The following CAMK4 variants were observed in gnomAD, a reference collection of about 807,000 sequenced individuals.
CAMK4 encodes the protein calcium/calmodulin dependent protein kinase IV.
Under a neutral mutation model 44.9 loss-of-function variants are expected in CAMK4, and 22 were observed. That is an observed-to-expected ratio of 0.49 (90% CI 0.35 to 0.70). CAMK4 has a LOEUF of 0.70. Ranked by LOEUF, CAMK4 falls within the 30% of genes least tolerant of loss-of-function variation. The pLI, the probability that CAMK4 is intolerant of heterozygous loss-of-function variation, is 0.01. For missense variants in CAMK4, 498 were observed against 586.8 expected, an observed-to-expected ratio of 0.85 and a Z score of 1.56; for synonymous variants, 218 against 215.4, an observed-to-expected ratio of 1.01 and a Z score of -0.11.
intron 1 of CAMK4, among the ~76,000 whole-genome samples, chr5:111,260,007 C>T (rs1333789689): frequency 6.6e-6 from 1 of 152,188 alleles, no homozygotes. Flanking sequence ...ATTAAATACA[C>T]TTGTACAATA....
Position 111,430,562 on chromosome 5 carries a change from G to T in CAMK4, c.460-16124G>T, listed in dbSNP as rs140843180. Reference sequence around the variant, plus strand: ...ATCTTATATTTGGAGAAAACCTTAAGACTCCACAAGAAAACCATTCGAACT... The same window carrying T: ...ATCTTATATTTGGAGAAAACCTTAATACTCCACAAGAAAACCATTCGAACT... On this transcript the variant is annotated intron_variant, in intron 5 of 10. Transcript: ENST00000282356. Among the ~76,000 whole-genome samples the T allele has an allele frequency of 1.7e-3, 259 of 152,258 alleles. 2 individuals are homozygous for T. The highest frequency in any genetic ancestry group is 2.6e-3 in the Non-Finnish European group (176 of 68,018).
chr5:111,245,020 T>TATGATGAATATATTGATGGA (rs1215137660), intron 1 of CAMK4, among the ~76,000 whole-genome samples: 5 of 152,144 alleles, frequency 3.3e-5, no homozygotes, highest in African/African-American at 1.2e-4. Context: ...CAGAAATGAA[T>TATGATGAATATATTGATGGA]ATGATGAATA....
chr5:111,480,249 A>AACACACACACACACACACACACAC lies in CAMK4; in HGVS notation c.828+1759_828+1782dup, dbSNP rs532395570. ...CTTCTCCATTACACATAGGCATGTA[A>AACACACACACACACACACACACAC]ACACACACACACACACACACACACA... On this transcript the variant is annotated intron_variant, in intron 9 of 10. Coordinates refer to ENST00000282356, the MANE Select transcript of CAMK4 (RefSeq NM_001744.6). Among the ~76,000 whole-genome samples, 382 of 121,260 alleles carry AACACACACACACACACACACACAC rather than the reference A, an allele frequency of 3.2e-3. 5 individuals carry two copies. Among genetic ancestry groups the AACACACACACACACACACACACAC allele is most frequent in the African/African-American group, 5.3e-3 (159 of 30,260 alleles). 79.6% of individuals were successfully genotyped at this position (121,260 alleles called of 152,430 possible).
chr5:111,473,438 T>A (rs1479678378), intron 8 of CAMK4, 52 bp downstream of exon 8: 2 of 1,149,762 alleles, frequency 1.7e-6, no homozygotes, highest in South Asian at 1.3e-5. Flanking sequence ...GCTGTGACAT[T>A]TTCTAGATAC....
intron 7 of CAMK4, among the ~76,000 whole-genome samples, chr5:111,466,787 C>A (rs1304009089): frequency 1.3e-5 from 2 of 151,978 alleles, no homozygotes; most frequent in Non-Finnish European, 2.9e-5. Flanking sequence ...TCTACAAATT[C>A]AATACAATTC....
At chr5:111,350,502 A>G (rs952489063) in intron 2 of CAMK4, among the ~76,000 whole-genome samples, 1 of 151,976 alleles carries the variant, frequency 6.6e-6, no homozygotes, top group Non-Finnish European at 1.5e-5. Flanking sequence ...AGGATTTCCC[A>G]TCCTGTGACC....
chr5:111,244,596 C>T (rs1384577410), intron 1 of CAMK4, among the ~76,000 whole-genome samples: 1 of 152,226 alleles, frequency 6.6e-6, no homozygotes, highest in Non-Finnish European at 1.5e-5. Context: ...GGCGCAGTGG[C>T]ACACGCCTGT....
At chr5:111,334,915 A>G (rs1749332772) in intron 1 of CAMK4, among the ~76,000 whole-genome samples, 1 of 151,484 alleles carries the variant, frequency 6.6e-6, no homozygotes, top group Non-Finnish European at 1.5e-5. Flanking sequence ...AGATAACAAG[A>G]TTTTTTGATT....
chr5:111,384,468 T>C (rs1751527250), intron 4 of CAMK4, among the ~76,000 whole-genome samples: 1 of 152,172 alleles, frequency 6.6e-6, no homozygotes. Flanking sequence ...TGAGCCACAC[T>C]GGTGGCTACA....
At chr5:111,429,777 CA>C (rs70973607) in intron 5 of CAMK4, among the ~76,000 whole-genome samples, 54 of 26,340 alleles carry the variant, frequency 2.1e-3, no homozygotes, top group African/African-American at 2.0e-3. Context: ...GACCTCATCT[CA>C]AAAAAAAAAA....
chr5:111,289,256 G>C (rs1327765031), intron 1 of CAMK4, among the ~76,000 whole-genome samples: 2 of 152,224 alleles, frequency 1.3e-5, no homozygotes, highest in Non-Finnish European at 2.9e-5. Context: ...TGAGACAACA[G>C]AATTGCTTGA....
At chr5:111,255,153 T>C (rs1232393160) in intron 1 of CAMK4, among the ~76,000 whole-genome samples, 2 of 152,312 alleles carry the variant, frequency 1.3e-5, no homozygotes, top group East Asian at 1.9e-4. Flanking sequence ...TGATGGACAT[T>C]GTTTGAAGGT....
chr5:111,465,374 G>A (rs1754789350), intron 7 of CAMK4, among the ~76,000 whole-genome samples: 1 of 151,412 alleles, frequency 6.6e-6, no homozygotes, highest in Admixed American at 6.6e-5. Flanking sequence ...TAAATGAAAT[G>A]GAAACAAACC....
chr5:111,368,415 A>C (rs1156321584), intron 2 of CAMK4, among the ~76,000 whole-genome samples: 3 of 152,152 alleles, frequency 2.0e-5, no homozygotes, highest in African/African-American at 7.2e-5. Flanking sequence ...TGCGAGGAAA[A>C]CACCAACTTC....
intron 2 of CAMK4, among the ~76,000 whole-genome samples, chr5:111,359,001 A>G (rs1481458424): frequency 2.0e-5 from 3 of 152,104 alleles, no homozygotes; most frequent in Non-Finnish European, 4.4e-5. Flanking sequence ...GGTTAATTCT[A>G]TGTATTAGCT....
chr5:111,396,628 A>ATTTTTTTTTTTT (rs1210775733), intron 5 of CAMK4, among the ~76,000 whole-genome samples: 4 of 41,298 alleles, frequency 9.7e-5, no homozygotes, highest in Non-Finnish European at 1.9e-4. Flanking sequence ...ATTAACTCAT[A>ATTTTTTTTTTTT]TTCTTTTTTT....
Position 111,493,984 on chromosome 5 carries a change from C to T in CAMK4, c.*9518C>T, listed in dbSNP as rs1327524543. On this transcript the variant is annotated 3_prime_UTR_variant, in exon 11 of 11. Transcript: ENST00000282356. This position sits in a 1 kb window ranked among gnomAD's most constrained non-coding sequence, Gnocchi z 4.1. ...GACATTGAGAAAGGAAAACTTCCTA[C>T]TTGGGCTTTTCAGGCTTATGTGACA... 5 of 152,162 alleles carry T rather than the reference C, an allele frequency of 3.3e-5. No homozygotes were observed. The highest frequency in any genetic ancestry group is 1.2e-4 in the African/African-American group (5 of 41,438). The allele number at this position is 152,162 out of a possible 1,614,324, so 9.4% of individuals were successfully genotyped here. A position where few individuals can be genotyped will look rare whatever the true frequency, so the allele number is the denominator to read the frequency against.
chr5:111,471,116 G>T (rs748294328), intron 7 of CAMK4, among the ~76,000 whole-genome samples: 2 of 152,184 alleles, frequency 1.3e-5, no homozygotes, highest in South Asian at 4.1e-4. Context: ...GAAGAATCAG[G>T]CTCAGGATTT....
intron 1 of CAMK4, among the ~76,000 whole-genome samples, chr5:111,313,369 A>G (rs901295820): frequency 6.6e-6 from 1 of 152,058 alleles, no homozygotes; most frequent in African/African-American, 2.4e-5. Context: ...CCTCTATTGA[A>G]CGGTCTGTTA....
Sources: gnomAD v4.1 joint callset for allele counts (sites outside exome capture counted in the v4.1 genomes callset) on GRCh38, gnomAD v4.1.1 for gene constraint, Gnocchi (gnomAD v3.1) non-coding constraint, MANE v1.5 for transcripts, NCBI Gene and HGNC (gene_info 2026-07-23, HGNC 2026-07-21) for gene names.